The following TRIOBP variants were observed in gnomAD, a reference collection of about 807,000 sequenced individuals.
TRIOBP encodes TRIO and F-actin binding protein.
A neutral mutation model predicts 238.8 loss-of-function variants in TRIOBP; 169 were observed. The observed-to-expected ratio is 0.71, with a 90% CI of 0.62 to 0.80. The LOEUF (loss-of-function observed/expected upper bound fraction) is 0.80. TRIOBP is among the 30% of genes least tolerant of loss of function. The pLI is 0.00. For synonymous variants in TRIOBP, 1,150 were observed against 1,274.4 expected, an observed-to-expected ratio of 0.90 and a Z score of 2.08; for missense variants, 2,838 against 3,122.6, an observed-to-expected ratio of 0.91 and a Z score of 2.17.
chr22:37,706,733 C>CA (rs1302949727), intron 3 of TRIOBP, among the ~76,000 whole-genome samples: 1 of 146,348 alleles, frequency 6.8e-6, no homozygotes, highest in African/African-American at 2.5e-5. Context: ...GGCTGCAGTG[C>CA]ACTGTGATCA....
Position 37,755,611 on chromosome 22 carries a change from A to G in TRIOBP, c.5639A>G (p.Glu1880Gly). 5 of 1,614,054 alleles carry G rather than the reference A, an allele frequency of 3.1e-6. No individual in the cohort carries two copies. The highest frequency in any genetic ancestry group is 3.4e-6 in the Non-Finnish European group (4 of 1,180,012). ...TCAGGCATCCGGCGGAACTGGATCGAGGCTCTGAGAAAGACCGTACGTCCA... is the reference window on the plus strand; with the variant it reads ...TCAGGCATCCGGCGGAACTGGATCGGGGCTCTGAGAAAGACCGTACGTCCA... ...MTSGIRRNWI[E>G]ALRKTVRPTS... Residue 1880 changes from glutamate (E) to glycine (G), a missense_variant, in exon 15 of 24, where the codon GAG (glutamate) becomes GGG (glycine). Around this residue, in one of 5 missense-constraint regions of TRIOBP, gnomAD observed 2,096 missense variants for 2,137.4 expected, o/e 0.98. Transcript: ENST00000644935.
chr22:37,759,017 A>T, intron 16 of TRIOBP, 137 bp from the exon 17 acceptor site: 1 of 732,738 alleles, frequency 1.4e-6, no homozygotes, highest in South Asian at 1.6e-5. Context: ...CCCTTCTCAA[A>T]CCCTGAGGCA....
chr22:37,762,184 C>T (rs1358858458), intron 17 of TRIOBP, among the ~76,000 whole-genome samples: 4 of 152,194 alleles, frequency 2.6e-5, no homozygotes, highest in African/African-American at 9.7e-5. Context: ...CTTCCCACCT[C>T]AGCCTCCTGA....
Position 37,701,292 on chromosome 22 carries a change from C to G in TRIOBP, c.-60-14C>G, listed in dbSNP as rs886131131. The G allele has an allele frequency of 1.6e-6, 2 of 1,228,868 alleles. No individual in the cohort carries two copies. The highest frequency in any genetic ancestry group is 3.0e-5 in the African/African-American group (2 of 67,748). 76.1% of individuals were successfully genotyped at this position (1,228,868 alleles called of 1,614,324 possible). A position where few individuals can be genotyped will look rare whatever the true frequency, so the allele number is the denominator to read the frequency against. On this transcript the variant is annotated splice_polypyrimidine_tract_variant and intron_variant, in intron 2 of 23. Coordinates refer to ENST00000644935, the MANE Select transcript of TRIOBP (RefSeq NM_001039141.3). ...CCAGTCATCTGGTCTTTGCCTCCCC[C>G]TCATTTTTGCCAGGCCTCACATAGA...
chr22:37,759,248 C>T lies in TRIOBP; in HGVS notation c.6308C>T (p.Pro2103Leu), dbSNP rs200250028. Residue 2103 changes from proline to leucine, a missense_variant, in exon 17 of 24, where the codon CCG (proline) becomes CTG (leucine). By Grantham distance (98) the Pro-to-Leu change is moderately conservative. Coordinates refer to ENST00000644935, the MANE Select transcript of TRIOBP (RefSeq NM_001039141.3). ...TCCCAGGAGGATGGCCACATCCCCC[C>T]GGGCTACATCTCACAGGTAAGGCCG... ...LRSQEDGHIP[P>L]GYISQEACER... The T allele has an allele frequency of 9.1e-5, 146 of 1,612,978 alleles. No individual in the cohort carries two copies. In the East Asian group the frequency reaches 1.8e-3, roughly 20 times the overall value.
chr22:37,705,003 T>TTA (rs1362770949), intron 3 of TRIOBP, among the ~76,000 whole-genome samples: 2 of 151,018 alleles, frequency 1.3e-5, no homozygotes, highest in East Asian at 3.9e-4. Flanking sequence ...ATCCCAGGAG[T>TTA]TCAAGGTTGC....
At chr22:37,738,346 T>C (rs199654715) in intron 9 of TRIOBP, among the ~76,000 whole-genome samples, 1 of 66,796 alleles carries the variant, frequency 1.5e-5, no homozygotes, top group Non-Finnish European at 3.8e-5. Context: ...ATGTTGGAGA[T>C]ATGGGTAGAT....
intron 12 of TRIOBP, 140 bp downstream of exon 12, chr22:37,751,968 G>A: frequency 2.3e-6 from 2 of 865,944 alleles, no homozygotes; most frequent in Non-Finnish European, 3.7e-6. Context: ...CTGCCCATTA[G>A]GCTTCTGCCT....
intron 4 of TRIOBP, among the ~76,000 whole-genome samples, chr22:37,712,487 A>C (rs1020800051): frequency 1.3e-4 from 19 of 151,956 alleles, no homozygotes; most frequent in African/African-American, 4.3e-4. Flanking sequence ...GTGTGCCACC[A>C]CCATGCCCAT....
At position 37,765,835 on chromosome 22, in the gene TRIOBP, G is replaced by GC. The variant is rs577933804; in HGVS notation, c.6472+18_6472+19insC. 9.1e-5 allele frequency: 145 copies of GC among 1,584,820 alleles called. No individual in the cohort carries two copies. In the East Asian group the frequency reaches 1.0e-3, roughly 11 times the overall value. On this transcript the variant is annotated intron_variant, in intron 18 of 23. Transcript: ENST00000644935. ...GGCCTCAGGTATGGACCCTGGGGGG[G>GC]GCACAGTGGGCTGGGCTCTGAGCCT...
intron 3 of TRIOBP, among the ~76,000 whole-genome samples, chr22:37,706,544 A>C (rs1040580167): frequency 3.3e-5 from 5 of 152,240 alleles, no homozygotes; most frequent in Non-Finnish European, 5.9e-5. Context: ...TGATCACAGC[A>C]CTTTAGGAGG....
At chr22:37,751,345 G>C (rs1403995216) in intron 11 of TRIOBP, 2 of 337,190 alleles carry the variant, frequency 5.9e-6, no homozygotes, top group African/African-American at 4.3e-5. Context: ...GGGAGGGTCC[G>C]TGGGGCACTT....
rs1924044143 is a variant in TRIOBP at position 37,724,878 on chromosome 22, A to T, written c.2322A>T (p.Arg774=). The change falls in exon 7 of 24, where the codon CGA becomes CGT. Residue 774 remains arginine (R), a synonymous_variant. Coordinates refer to ENST00000644935, the MANE Select transcript of TRIOBP (RefSeq NM_001039141.3). ...AGAACCTCAGAACATCCTGTACCCGACAGGACAATCCCAGGACCTCCTCTC... is the reference window on the plus strand; with the variant it reads ...AGAACCTCAGAACATCCTGTACCCGTCAGGACAATCCCAGGACCTCCTCTC... The part of the protein sequence containing the change: ...QQENLRTSCT[R]QDNPRTSSPN... The T allele has an allele frequency of 1.2e-6, 2 of 1,604,540 alleles. No individual in the cohort carries two copies. The highest frequency in any genetic ancestry group is 1.7e-6 in the Non-Finnish European group (2 of 1,175,922).
At chr22:37,748,844 C>T (rs80143658) in intron 11 of TRIOBP, among the ~76,000 whole-genome samples, 1,822 of 152,234 alleles carry the variant, frequency 0.012, 35 homozygotes, top group African/African-American at 0.042. Context: ...GTCTTAAGGC[C>T]TGAGTAGCCG....
At chr22:37,706,666 C>T (rs1232573079) in intron 3 of TRIOBP, among the ~76,000 whole-genome samples, 3 of 151,836 alleles carry the variant, frequency 2.0e-5, no homozygotes, top group African/African-American at 4.8e-5. Context: ...TGCATGCCTG[C>T]AGTCCCAGCT....
At position 37,725,914 on chromosome 22, in the gene TRIOBP, C is replaced by T. The variant is rs1924124311; in HGVS notation, c.3358C>T (p.Pro1120Ser). 6.8e-6 allele frequency: 11 copies of T among 1,613,698 alleles called. No homozygotes were observed. Among genetic ancestry groups the T allele is most frequent in the Non-Finnish European group, 9.3e-6 (11 of 1,179,924 alleles). ...APVCIGYRDAPRASSPPRQAP... is the reference protein window; with the variant it reads ...APVCIGYRDASRASSPPRQAP... ...TGTGTGTATTGGGTACCGAGATGCACCCCGGGCCTCCTCCCCACCACGCCA... is the reference window on the plus strand; with the variant it reads ...TGTGTGTATTGGGTACCGAGATGCATCCCGGGCCTCCTCCCCACCACGCCA... The change falls in exon 7 of 24, where the codon CCC becomes TCC. Residue 1120 changes from proline (P) to serine (S), a missense_variant. Pro to Ser is a moderately conservative substitution (Grantham distance 74). Coordinates refer to ENST00000644935, the MANE Select transcript of TRIOBP (RefSeq NM_001039141.3).
chr22:37,719,989 C>CACACTGCACTCACTGTTTCACTCATCCCT (rs367687004), intron 6 of TRIOBP, among the ~76,000 whole-genome samples: 2 of 71,208 alleles, frequency 2.8e-5, no homozygotes, highest in African/African-American at 6.1e-5. Context: ...TTTCACTCAT[C>CACACTGCACTCACTGTTTCACTCATCCCT]CCCCCCCGCC....
Position 37,734,772 on chromosome 22 carries a change from G to C in TRIOBP, c.4436G>C (p.Gly1479Ala), listed in dbSNP as rs773475622. ...AAKAPEGAWG[G>A]TSREYKESWG... ...AAAGCCCCGGAGGGAGCATGGGGGG[G>C]CACTTCCAGGGAGTACAAGGAGAGC... Residue 1479 changes from glycine to alanine, a missense_variant, in exon 9 of 24, where the codon GGC becomes GCC. Gly to Ala is a moderately conservative substitution (Grantham distance 60, BLOSUM62 0). Transcript: ENST00000644935. 1.9e-6 allele frequency: 3 copies of C among 1,612,086 alleles called. No homozygotes were observed. Among genetic ancestry groups the C allele is most frequent in the African/African-American group, 2.7e-5 (2 of 74,978 alleles).
chr22:37,760,984 A>AC (rs1926215910), intron 17 of TRIOBP, among the ~76,000 whole-genome samples: 1 of 151,614 alleles, frequency 6.6e-6, no homozygotes, highest in African/African-American at 2.4e-5. Flanking sequence ...AAAAAAAAAA[A>AC]AGAAAGAAAA....
Sources: gnomAD v4.1 joint callset for allele counts (sites outside exome capture counted in the v4.1 genomes callset) on GRCh38, gnomAD v4.1.1 for gene constraint, gnomAD v4.1.1 regional missense constraint, MANE v1.5 for transcripts, NCBI Gene and HGNC (gene_info 2026-07-23, HGNC 2026-07-21) for gene names.